Variants in MORC3 observed in about 807,000 individuals in gnomAD.
The protein encoded by MORC3 is MORC family CW-type zinc finger 3, also known as MORC family CW-type zinc finger protein 3.
MORC3 carries 31 observed loss-of-function variants against 109.1 expected under a neutral mutation model. That is an observed-to-expected ratio of 0.28 (90% CI 0.21 to 0.38). The LOEUF (loss-of-function observed/expected upper bound fraction) is 0.38, where lower values mean the gene tolerates loss of function less well. Ranked by LOEUF, MORC3 falls within the 10% of genes least tolerant of loss-of-function variation. The probability of loss-of-function intolerance (pLI) is 1.00; values close to 1 mark genes in which losing one functional copy is unlikely to be tolerated. For missense variants in MORC3, 867 were observed against 1,135.8 expected (o/e 0.76, Z 3.40); for synonymous variants, 395 against 380.7 (o/e 1.04, Z -0.44).
At chr21:36,356,857 G>T (rs912835593) in intron 10 of MORC3, 133 bp downstream of exon 10, 1 of 505,722 alleles carries the variant, frequency 2.0e-6, no homozygotes, top group Non-Finnish European at 3.5e-6. Flanking sequence ...ATGAATTAGC[G>T]CACTGCAAAA....
At chr21:36,353,538 C>T (rs545807419) in intron 9 of MORC3, among the ~76,000 whole-genome samples, 98 of 151,374 alleles carry the variant, frequency 6.5e-4, no homozygotes, top group African/African-American at 1.8e-3. Flanking sequence ...ATTAGGAGTT[C>T]GAGACCAGCC....
At chr21:36,366,915 T>A (rs191075651) in intron 14 of MORC3, among the ~76,000 whole-genome samples, 19 of 152,310 alleles carry the variant, frequency 1.2e-4, no homozygotes, top group African/African-American at 4.3e-4. Flanking sequence ...AAGTACTTGA[T>A]ACAGCAAACC....
chr21:36,349,269 A>G lies in MORC3; in HGVS notation c.1006-42A>G, dbSNP rs1348665511. The G allele has an allele frequency of 3.8e-6, 5 of 1,328,928 alleles. No individual in the cohort carries two copies. In the Admixed American group the frequency reaches 5.5e-5, roughly 15 times the overall value. 82.3% of individuals were successfully genotyped at this position (1,328,928 alleles called of 1,614,324 possible). A position where few individuals can be genotyped will look rare whatever the true frequency, so the allele number is the denominator to read the frequency against. On this transcript the variant is annotated intron_variant, in intron 8 of 16. Coordinates refer to ENST00000400485, the MANE Select transcript of MORC3 (RefSeq NM_015358.3). ...TTTAAGGGTAATTATTTTGAGCATC[A>G]TGTCTTATGCTTAAAATGCTGATTT...
intron 10 of MORC3, among the ~76,000 whole-genome samples, chr21:36,358,484 A>T (rs892413060): frequency 1.3e-5 from 2 of 151,846 alleles, no homozygotes; most frequent in African/African-American, 4.8e-5. Context: ...GGCTGTATCC[A>T]GTGGGTCACG....
At chr21:36,323,587 G>A (rs1330399314) in intron 1 of MORC3, among the ~76,000 whole-genome samples, 1 of 152,092 alleles carries the variant, frequency 6.6e-6, no homozygotes, top group Non-Finnish European at 1.5e-5. Flanking sequence ...ATCATTTCTT[G>A]AAAATACATT....
At chr21:36,340,277 C>CA (rs1346689464) in intron 5 of MORC3, among the ~76,000 whole-genome samples, 10,957 of 89,934 alleles carry the variant, frequency 0.12, 531 homozygotes, top group South Asian at 0.23. Context: ...GACTCTGTCT[C>CA]AAAAAAAAAA....
intron 7 of MORC3, 63 bp downstream of exon 7, chr21:36,344,770 C>G (rs2085489312): frequency 1.9e-6 from 3 of 1,596,164 alleles, no homozygotes; most frequent in Non-Finnish European, 2.6e-6. Context: ...TTGCCCCTTT[C>G]CCCTTATATG....
chr21:36,324,980 A>T (rs2085233474), intron 1 of MORC3, among the ~76,000 whole-genome samples: 1 of 152,174 alleles, frequency 6.6e-6, no homozygotes, highest in Admixed American at 6.5e-5. Flanking sequence ...AAGTGCTGGG[A>T]TTACAGGCGT....
intron 2 of MORC3, among the ~76,000 whole-genome samples, chr21:36,334,528 G>A (rs2085353755): frequency 6.6e-6 from 1 of 152,080 alleles, no homozygotes. Context: ...TCAAACTCCT[G>A]GGCTCAGGCG....
intron 9 of MORC3, among the ~76,000 whole-genome samples, chr21:36,354,564 A>G (rs187312171): frequency 2.1e-3 from 315 of 152,076 alleles, no homozygotes; most frequent in African/African-American, 7.0e-3. Context: ...CTGTCTTCCA[A>G]AGTGCTGGGA....
At chr21:36,374,374 A>AACTTTTC (rs1411241591) in intron 16 of MORC3, among the ~76,000 whole-genome samples, 1 of 152,132 alleles carries the variant, frequency 6.6e-6, no homozygotes, top group African/African-American at 2.4e-5. Context: ...TACAGGCGTG[A>AACTTTTC]ACCTCTGTGC....
At chr21:36,346,319 T>C (rs1297974964) in intron 8 of MORC3, among the ~76,000 whole-genome samples, 1 of 152,190 alleles carries the variant, frequency 6.6e-6, no homozygotes, top group East Asian at 1.9e-4. Flanking sequence ...GCGCTCGGCC[T>C]AGTATATTAA....
chr21:36,365,051 C>CAAAA (rs72445251), intron 14 of MORC3, among the ~76,000 whole-genome samples: 1,652 of 93,910 alleles, frequency 0.018, 92 homozygotes, highest in East Asian at 0.069. Flanking sequence ...GACTCCATCT[C>CAAAA]AAAAAAAAAA....
intron 1 of MORC3, among the ~76,000 whole-genome samples, chr21:36,331,464 G>T (rs1203420843): frequency 1.3e-5 from 2 of 152,144 alleles, no homozygotes; most frequent in Non-Finnish European, 2.9e-5. Flanking sequence ...TGGGCATGGT[G>T]GTGGGCACCT....
chr21:36,320,343 A>C (rs1601501552), intron 1 of MORC3, 40 bp downstream of exon 1: 2 of 1,098,162 alleles, frequency 1.8e-6, no homozygotes, highest in Non-Finnish European at 2.4e-6. Context: ...GTGTCCCAGG[A>C]GGGCGGGCGG....
At chr21:36,362,318 G>C (rs971056688) in intron 13 of MORC3, 90 bp downstream of exon 13, 19 of 1,401,954 alleles carry the variant, frequency 1.4e-5, no homozygotes, top group Non-Finnish European at 1.8e-5. Flanking sequence ...CGAGGCAGGT[G>C]GATCACCTGA....
At chr21:36,325,096 G>A (rs953994562) in intron 1 of MORC3, among the ~76,000 whole-genome samples, 5 of 152,194 alleles carry the variant, frequency 3.3e-5, no homozygotes, top group Non-Finnish European at 7.3e-5. Context: ...GGGCTTCACT[G>A]TTGGGTGATC....
chr21:36,360,009 A>G lies in MORC3; in HGVS notation c.1263A>G (p.Lys421=), dbSNP rs1438860387. Residue 421 remains lysine (K), a synonymous_variant, in exon 11 of 17, where the codon AAA becomes AAG. Coordinates refer to ENST00000400485, the MANE Select transcript of MORC3 (RefSeq NM_015358.3). The part of the protein sequence containing the change: ...VQCDACLKWR[K]LPDGMDQLPE... ...GTGATGCCTGTCTAAAGTGGCGGAA[A>G]TTACCTGATGGGATGGATCAACTTC... The G allele has an allele frequency of 4.3e-6, 7 of 1,614,076 alleles. No homozygotes were observed. Among genetic ancestry groups the G allele is most frequent in the African/African-American group, 2.7e-5 (2 of 74,938 alleles).
chr21:36,326,450 T>C (rs1456977806), intron 1 of MORC3, among the ~76,000 whole-genome samples: 1 of 136,894 alleles, frequency 7.3e-6, no homozygotes, highest in Non-Finnish European at 1.6e-5. Context: ...CGCTTGAACC[T>C]GAAGGTGAAA....
Sources: allele counts gnomAD v4.1 joint callset (sites outside exome capture counted in the v4.1 genomes callset), GRCh38; gene constraint gnomAD v4.1.1; transcripts MANE v1.5; gene names NCBI Gene and HGNC (gene_info 2026-07-23, HGNC 2026-07-21).